HTT: variants seen among roughly 807,000 people sequenced by gnomAD.
HTT encodes huntington disease protein.
Under a neutral mutation model 362.3 loss-of-function variants are expected in HTT, and 104 were observed. The ratio of observed to expected loss-of-function variants is 0.29; its 90% CI spans 0.24 to 0.34. The LOEUF (loss-of-function observed/expected upper bound fraction) is 0.34. Ranked by LOEUF, HTT falls within the 10% of genes least tolerant of loss-of-function variation. The pLI is 1.00. For missense variants in HTT, 3,301 were observed against 3,928.6 expected, an observed-to-expected ratio of 0.84 and a Z score of 4.27; for synonymous variants, 1,577 against 1,548.7, an observed-to-expected ratio of 1.02 and a Z score of -0.43.
At chr4:3,156,319 C>A (rs1348493630) in intron 27 of HTT, among the ~76,000 whole-genome samples, 1 of 151,500 alleles carries the variant, frequency 6.6e-6, no homozygotes, top group East Asian at 1.9e-4. Context: ...GGAGTTTCAC[C>A]ATGTTGGCCA....
At chr4:3,164,681 TCTTTGTCTCCTTTGAA>T (rs1210130568) in intron 29 of HTT, among the ~76,000 whole-genome samples, 1 of 152,224 alleles carries the variant, frequency 6.6e-6, no homozygotes, top group Non-Finnish European at 1.5e-5. Context: ...GTAATGGCCT[TCTTTGTCTCCTTTGAA>T]CTTTGTTGAT....
chr4:3,093,237 A>G (rs1713613492), intron 2 of HTT, among the ~76,000 whole-genome samples: 1 of 152,176 alleles, frequency 6.6e-6, no homozygotes, highest in African/African-American at 2.4e-5. Flanking sequence ...CAGGGCCAGG[A>G]AGAATTTCTA....
rs114194615 is a variant in HTT, at chr4:3,226,820, C to T, written c.7848+1077C>T. Among the ~76,000 whole-genome samples, 1,177 of 152,368 alleles carry T rather than the reference C, an allele frequency of 7.7e-3. 19 individuals are homozygous for T. Among genetic ancestry groups the T allele is most frequent in the African/African-American group, 0.027 (1,106 of 41,584 alleles). On this transcript the variant is annotated intron_variant, in intron 57 of 66. Transcript: ENST00000355072. ...TTCTGTTCCCTGCTCTCTGCCTGTA[C>T]TGTCCTGTTTTGTGCCTGCCGGTTT...
chr4:3,183,082 G>A (rs1440140985), intron 37 of HTT, among the ~76,000 whole-genome samples: 1 of 152,196 alleles, frequency 6.6e-6, no homozygotes, highest in Admixed American at 6.5e-5. Context: ...AGGTCTCGCT[G>A]TGTTGCCCAG....
chr4:3,130,875 A>G (rs1382567526), intron 14 of HTT, among the ~76,000 whole-genome samples: 2 of 152,164 alleles, frequency 1.3e-5, no homozygotes, highest in Admixed American at 1.3e-4. Flanking sequence ...AGCCTTTGGC[A>G]TCTCCCTATC....
intron 1 of HTT, among the ~76,000 whole-genome samples, chr4:3,078,284 G>A (rs1306361369): frequency 6.6e-6 from 1 of 152,214 alleles, no homozygotes; most frequent in Non-Finnish European, 1.5e-5. Context: ...TGTTATAGGT[G>A]CAGGGCTCAG....
At chr4:3,224,975 C>T (rs758773372) in intron 56 of HTT, among the ~76,000 whole-genome samples, 7 of 152,168 alleles carry the variant, frequency 4.6e-5, no homozygotes, top group Non-Finnish European at 1.0e-4. Flanking sequence ...ACACAGGCAG[C>T]TCCTGGAGCT....
Position 3,187,826 on chromosome 4 carries a change from C to T in HTT, c.5165C>T (p.Thr1722Met), listed in dbSNP as rs374347047. Residue 1722 changes from threonine to methionine, a missense_variant, in exon 39 of 67, where the codon ACG (threonine) becomes ATG (methionine). Thr to Met is a moderately conservative substitution (Grantham distance 81, BLOSUM62 -1). This residue lies in a region of HTT where 2,316 missense variants were observed against 2,658.5 expected (regional missense o/e 0.87). Coordinates refer to ENST00000355072, the MANE Select transcript of HTT (RefSeq NM_001388492.1). ...TTAAGAGATGGGGACAGTACTTCAA[C>T]GCTAGAAGAACACAGTGAAGGGAAA... ...NRLRDGDSTS[T>M]LEEHSEGKQI... is the part of the protein sequence containing the mutation. 98 of 1,613,128 alleles carry T rather than the reference C, an allele frequency of 6.1e-5. No individual in the cohort carries two copies. In the Middle Eastern group the frequency reaches 1.3e-3, roughly 22 times the overall value.
chr4:3,233,350 C>T lies in HTT; in HGVS notation c.8453C>T (p.Ala2818Val). 6.3e-7 allele frequency: 1 copy of T among 1,594,708 alleles called. No homozygotes were observed. The highest frequency in any genetic ancestry group is 8.6e-7 in the Non-Finnish European group (1 of 1,164,736). Reference protein sequence around the residue: ...DYLLSNLKGIAHCVNIHSQQH... With the variant: ...DYLLSNLKGIVHCVNIHSQQH... ...CTCCTCTCCAACCTGAAAGGGATCG[C>T]CCAGTGAGTGGGAGCCTGGCTGGGG... The change falls in exon 61 of 67, where the codon GCC becomes GTC. Residue 2818 changes from alanine to valine, a missense_variant. Ala to Val is a moderately conservative substitution (Grantham distance 64, BLOSUM62 0). Coordinates refer to ENST00000355072, the MANE Select transcript of HTT (RefSeq NM_001388492.1).
At chr4:3,110,839 T>A (rs115613945) in intron 6 of HTT, among the ~76,000 whole-genome samples, 232 of 152,240 alleles carry the variant, frequency 1.5e-3, no homozygotes, top group African/African-American at 5.4e-3. Context: ...TCTGGGAAAA[T>A]TTTCTTAACA....
chr4:3,147,732 GTTCACCAACTGAAC>G (rs2110205268), intron 25 of HTT, among the ~76,000 whole-genome samples: 1 of 152,268 alleles, frequency 6.6e-6, no homozygotes, highest in South Asian at 2.1e-4. Context: ...GCCAGGCCTG[GTTCACCAACTGAAC>G]TTCGGTTGTG....
intron 61 of HTT, among the ~76,000 whole-genome samples, chr4:3,234,843 CTG>C (rs1721444139): frequency 6.6e-6 from 1 of 152,228 alleles, no homozygotes. Flanking sequence ...CAGGTCCTCA[CTG>C]TGCCATGGGG....
chr4:3,108,731 G>T (rs1171044189), intron 6 of HTT, among the ~76,000 whole-genome samples: 1 of 152,106 alleles, frequency 6.6e-6, no homozygotes, highest in Non-Finnish European at 1.5e-5. Flanking sequence ...CTACCTCTCT[G>T]CTCATTTATG....
At chr4:3,081,802 C>T (rs1712925140) in intron 1 of HTT, among the ~76,000 whole-genome samples, 1 of 151,654 alleles carries the variant, frequency 6.6e-6, no homozygotes, top group African/African-American at 2.4e-5. Context: ...GGTGATCCAC[C>T]CGCCTCAGCC....
chr4:3,228,955 G>A lies in HTT; in HGVS notation c.8055G>A (p.Pro2685=), dbSNP rs773759943. 80 of 1,613,478 alleles carry A rather than the reference G, an allele frequency of 5.0e-5. No individual in the cohort carries two copies. The Admixed American group carries it at 9.0e-4, about 18-fold the overall frequency. ...AGTTGTACAGCCGCTGGATCCTGCCGTCCAGCTCAGCCAGGAGGACCCCGG... is the reference window on the plus strand; with the variant it reads ...AGTTGTACAGCCGCTGGATCCTGCCATCCAGCTCAGCCAGGAGGACCCCGG... ...LLELYSRWIL[P]SSSARRTPAI... The change falls in exon 59 of 67, where the codon CCG becomes CCA. Residue 2685 remains proline (P), a synonymous_variant. Transcript: ENST00000355072. This position sits in a 1 kb window ranked among gnomAD's most constrained non-coding sequence, Gnocchi z 4.3.
At chr4:3,127,214 T>C (rs1013624703) in intron 11 of HTT, 50 bp from the exon 12 acceptor site, 48 of 1,362,534 alleles carry the variant, frequency 3.5e-5, no homozygotes, top group Non-Finnish European at 4.8e-5. Context: ...TGATTCCCTA[T>C]TGAATGTTTT....
chr4:3,143,492 TA>T (rs1473890718), intron 23 of HTT, among the ~76,000 whole-genome samples: 1 of 151,288 alleles, frequency 6.6e-6, no homozygotes, highest in Non-Finnish European at 1.5e-5. Context: ...CCTGCATTGG[TA>T]ATGTATCAGA....
At chr4:3,229,050 A>G in intron 59 of HTT, 41 bp downstream of exon 59, 1 of 1,584,250 alleles carries the variant, frequency 6.3e-7, no homozygotes, top group Non-Finnish European at 8.6e-7. Flanking sequence ...TGCACGTGCC[A>G]CACGCACCAC....
intron 6 of HTT, among the ~76,000 whole-genome samples, chr4:3,111,303 C>T (rs1714737102): frequency 1.3e-5 from 2 of 151,814 alleles, no homozygotes; most frequent in South Asian, 4.2e-4. Context: ...AAGCAGTTCT[C>T]CTGCCTCAGC....
Sources: allele counts gnomAD v4.1 joint callset (sites outside exome capture counted in the v4.1 genomes callset), GRCh38; gene constraint gnomAD v4.1.1; regional missense constraint gnomAD v4.1.1; non-coding constraint Gnocchi (gnomAD v3.1); transcripts MANE v1.5; gene names NCBI Gene and HGNC (gene_info 2026-07-23, HGNC 2026-07-21).